Variants in NCKAP5 observed in about 807,000 individuals in gnomAD.
NCKAP5 encodes the protein NCK associated protein 5.
A neutral mutation model predicts 167.0 loss-of-function variants in NCKAP5; 92 were observed. The observed-to-expected ratio is 0.55, with a 90% CI of 0.47 to 0.66. NCKAP5 has a LOEUF of 0.66. Ranked by LOEUF, NCKAP5 falls within the 30% of genes least tolerant of loss-of-function variation. NCKAP5 has a pLI of 0.00. For missense variants in NCKAP5, 2,378 were observed against 2,315.0 expected, an observed-to-expected ratio of 1.03 and a Z score of -0.56; for synonymous variants, 891 against 877.4, an observed-to-expected ratio of 1.02 and a Z score of -0.27.
chr2:133,634,688 G>A, the NCKAP5 span, among the ~76,000 whole-genome samples: 14,471 of 152,094 alleles, frequency 0.095, 785 homozygotes, highest in African/African-American at 0.12. Context: ...AGCTGACAGT[G>A]GAGCCGACAT....
At chr2:133,534,508 A>T (rs1685604740) in intron 2 of NCKAP5, among the ~76,000 whole-genome samples, 1 of 152,036 alleles carries the variant, frequency 6.6e-6, no homozygotes, top group African/African-American at 2.4e-5. Context: ...CCCCTTACCC[A>T]GCCCCCGGCA....
chr2:132,967,539 A>T (rs2149220703), intron 7 of NCKAP5, among the ~76,000 whole-genome samples: 1 of 152,298 alleles, frequency 6.6e-6, no homozygotes, highest in Non-Finnish European at 1.5e-5. Flanking sequence ...TTTGATTATA[A>T]TAGAGAAAAG....
At chr2:132,922,869 C>T (rs1194245007) in intron 8 of NCKAP5, among the ~76,000 whole-genome samples, 4 of 152,142 alleles carry the variant, frequency 2.6e-5, no homozygotes, top group Non-Finnish European at 4.4e-5. Flanking sequence ...TGGTCATGGA[C>T]CTTTATGTTG....
At chr2:133,604,722 G>T in the NCKAP5 span, among the ~76,000 whole-genome samples, 1 of 152,254 alleles carries the variant, frequency 6.6e-6, no homozygotes, top group East Asian at 1.9e-4. Context: ...TGGGCTGATG[G>T]TAACAGCCTA....
intron 4 of NCKAP5, among the ~76,000 whole-genome samples, chr2:133,273,958 ATAAAG>A (rs1284539411): frequency 2.0e-5 from 3 of 148,782 alleles, no homozygotes; most frequent in Non-Finnish European, 4.5e-5. Context: ...CCTTAACCTG[ATAAAG>A]TTTGTCTACC....
At chr2:133,204,016 T>C (rs1184073036) in intron 5 of NCKAP5, among the ~76,000 whole-genome samples, 3 of 152,194 alleles carry the variant, frequency 2.0e-5, no homozygotes, top group Admixed American at 6.6e-5. Context: ...TTATTGCTTT[T>C]TACAATATCT....
At chr2:133,619,640 C>A in the NCKAP5 span, among the ~76,000 whole-genome samples, 1 of 151,846 alleles carries the variant, frequency 6.6e-6, no homozygotes, top group Non-Finnish European at 1.5e-5. Context: ...ATTGATATTC[C>A]CAAGGAAAAA....
In NCKAP5 at chr2:133,262,884, G is replaced by C. The variant is rs147585418; in HGVS notation, c.143+40153C>G. Among the ~76,000 whole-genome samples the C allele has an allele frequency of 1.4e-3, 209 of 152,320 alleles. 2 individuals carry two copies. The highest frequency in any genetic ancestry group is 0.01 in the Middle Eastern group (3 of 294). ...TGATGGCACAAATAATAGGGCCGCT[G>C]ATTAGGGGGTTACAAAGAAGACTGA... On this transcript the variant is annotated intron_variant, in intron 4 of 19. Transcript: ENST00000409261.
At chr2:133,273,594 G>A (rs899461019) in intron 4 of NCKAP5, among the ~76,000 whole-genome samples, 4 of 151,870 alleles carry the variant, frequency 2.6e-5, no homozygotes, top group Non-Finnish European at 5.9e-5. Flanking sequence ...CAGGTTAGAA[G>A]GACTCTGATA....
At chr2:132,697,046 C>T (rs1051611499) in intron 19 of NCKAP5, among the ~76,000 whole-genome samples, 2 of 152,162 alleles carry the variant, frequency 1.3e-5, no homozygotes, top group Non-Finnish European at 2.9e-5. Context: ...TGCACCATAC[C>T]CAGCTAATTT....
chr2:132,780,897 A>G (rs562049393), intron 15 of NCKAP5, among the ~76,000 whole-genome samples, 155 bp downstream of exon 15: 1 of 152,232 alleles, frequency 6.6e-6, no homozygotes, highest in South Asian at 2.1e-4. Context: ...TGTCACCAGG[A>G]TTTCGCTCTC....
intron 3 of NCKAP5, among the ~76,000 whole-genome samples, chr2:133,405,516 G>A (rs569662129): frequency 9.2e-5 from 14 of 152,278 alleles, no homozygotes; most frequent in African/African-American, 3.4e-4. Flanking sequence ...ACCAGAAGGC[G>A]GGGCATTGTC....
intron 4 of NCKAP5, among the ~76,000 whole-genome samples, chr2:133,294,579 T>C (rs939760691): frequency 3.3e-5 from 5 of 152,226 alleles, no homozygotes; most frequent in African/African-American, 4.8e-5. Context: ...AATTTAGAGC[T>C]GGAGGGAACG....
chr2:133,083,965 T>A (rs1422750174), intron 6 of NCKAP5, among the ~76,000 whole-genome samples: 2 of 152,158 alleles, frequency 1.3e-5, no homozygotes, highest in Admixed American at 6.6e-5. Context: ...GAGGATCTTG[T>A]GTAACTGCCT....
At chr2:133,294,336 A>G (rs191070571) in intron 4 of NCKAP5, among the ~76,000 whole-genome samples, 1 of 152,338 alleles carries the variant, frequency 6.6e-6, no homozygotes, top group East Asian at 1.9e-4. Flanking sequence ...GGATAGAGGC[A>G]TGCTAATTCT....
At chr2:133,611,982 G>C in the NCKAP5 span, among the ~76,000 whole-genome samples, 1 of 152,096 alleles carries the variant, frequency 6.6e-6, no homozygotes, top group South Asian at 2.1e-4. Flanking sequence ...CATCAGAAGA[G>C]GCATTTCAAC....
intron 3 of NCKAP5, among the ~76,000 whole-genome samples, chr2:133,490,807 T>C (rs936901806): frequency 4.6e-5 from 7 of 152,146 alleles, no homozygotes; most frequent in Non-Finnish European, 8.8e-5. Flanking sequence ...TGACTACAAG[T>C]TTTTCCAAGG....
At chr2:132,674,385 G>T (rs1244515634) in intron 19 of NCKAP5, among the ~76,000 whole-genome samples, 2 of 152,218 alleles carry the variant, frequency 1.3e-5, no homozygotes, top group East Asian at 1.9e-4. Context: ...CCAGCAAGTG[G>T]CAGAGAACAG....
chr2:132,862,571 G>C (rs919236931), intron 10 of NCKAP5, among the ~76,000 whole-genome samples: 6 of 152,058 alleles, frequency 3.9e-5, no homozygotes, highest in Non-Finnish European at 1.5e-5. Context: ...TGCAACTTCA[G>C]CCTGGCCAAC....
Sources: gnomAD v4.1 joint callset for allele counts (sites outside exome capture counted in the v4.1 genomes callset) on GRCh38, gnomAD v4.1.1 for gene constraint, MANE v1.5 for transcripts, NCBI Gene and HGNC (gene_info 2026-07-23, HGNC 2026-07-21) for gene names.